ANKRD24: variants seen among roughly 807,000 people sequenced by gnomAD.
ANKRD24 encodes ankyrin repeat domain-containing protein 24.
A neutral mutation model predicts 127.8 loss-of-function variants in ANKRD24; 109 were observed. The observed-to-expected ratio is 0.85, with a 90% CI of 0.73 to 1.00. ANKRD24 has a LOEUF of 1.00. Ranked by LOEUF, ANKRD24 falls within the 50% of genes least tolerant of loss-of-function variation. The probability of loss-of-function intolerance (pLI) is 0.00; values close to 1 mark genes in which losing one functional copy is unlikely to be tolerated. For synonymous variants in ANKRD24, 743 were observed against 671.1 expected, an observed-to-expected ratio of 1.11 and a Z score of -1.66; for missense variants, 1,648 against 1,570.2, an observed-to-expected ratio of 1.05 and a Z score of -0.84.
At chr19:4,184,505 C>T (rs888924157) in intron 1 of ANKRD24, among the ~76,000 whole-genome samples, 1 of 152,244 alleles carries the variant, frequency 6.6e-6, no homozygotes, top group Admixed American at 6.5e-5. Context: ...TGCCTAGCTT[C>T]CTCCAAGGCA....
At chr19:4,212,723 T>TGGGCTG (rs1162391932) in intron 15 of ANKRD24, 25 bp downstream of exon 15, 2 of 1,536,876 alleles carry the variant, frequency 1.3e-6, no homozygotes, top group Admixed American at 2.0e-5. Flanking sequence ...GAGTCAGGGC[T>TGGGCTG]GGGCTGGGGC....
Position 4,215,970 on chromosome 19 carries a change from C to A in ANKRD24, c.1198-8C>A, listed in dbSNP as rs370872570. 44 of 1,578,450 alleles carry A rather than the reference C, an allele frequency of 2.8e-5. No homozygotes were observed. The highest frequency in any genetic ancestry group is 3.5e-5 in the South Asian group (3 of 85,856). On this transcript the variant is annotated splice_polypyrimidine_tract_variant and splice_region_variant and intron_variant, in intron 15 of 21. Coordinates refer to ENST00000318934, the MANE Select transcript of ANKRD24 (RefSeq NM_001393985.1). ...AACCCCGAGCTGGACTCTGCTCCCT[C>A]CCCCCAGAACGAGCGGGAGAATACT...
intron 1 of ANKRD24, among the ~76,000 whole-genome samples, chr19:4,184,558 C>T (rs1967948738): frequency 6.6e-6 from 1 of 152,228 alleles, no homozygotes; most frequent in African/African-American, 2.4e-5. Context: ...TTCTTATTTA[C>T]CATCACCTCT....
chr19:4,212,558 C>G (rs1299253997), intron 14 of ANKRD24, 42 bp from the exon 15 acceptor site: 1 of 1,548,184 alleles, frequency 6.5e-7, no homozygotes, highest in East Asian at 2.4e-5. Context: ...GCTGCCCAGC[C>G]TTTCCTCCCA....
chr19:4,224,110 C>G lies in ANKRD24; in HGVS notation c.3298-17C>G, dbSNP rs768363671. 13 of 1,610,910 alleles carry G rather than the reference C, an allele frequency of 8.1e-6. No homozygotes were observed. The highest frequency in any genetic ancestry group is 8.5e-6 in the Non-Finnish European group (10 of 1,179,104). ...GGTGCTCCTGCTCTTCTGAGCGCCC[C>G]TTCCTCATGCCCACAGGAAGCTGCC... On this transcript the variant is annotated splice_polypyrimidine_tract_variant and intron_variant, in intron 20 of 21. Coordinates refer to ENST00000318934, the MANE Select transcript of ANKRD24 (RefSeq NM_001393985.1).
chr19:4,182,841 A>G, intron 1 of ANKRD24, 101 bp downstream of exon 1: 1 of 709,274 alleles, frequency 1.4e-6, no homozygotes, highest in Non-Finnish European at 1.7e-6. Flanking sequence ...AATGCGGGAC[A>G]CAGGCTATCC....
intron 7 of ANKRD24, among the ~76,000 whole-genome samples, chr19:4,205,139 G>A (rs545551005): frequency 9.8e-5 from 15 of 152,318 alleles, no homozygotes; most frequent in Admixed American, 9.8e-4. Flanking sequence ...TCGGGAGGCT[G>A]AGGCAGGAGA....
rs1969124145 is a variant in ANKRD24, at chr19:4,202,055, T to TA, written c.374dup (p.Tyr125Ter). 1 of 1,613,732 alleles carries TA rather than the reference T, an allele frequency of 6.2e-7. No individual in the cohort carries two copies. The highest frequency in any genetic ancestry group is 1.7e-5 in the Admixed American group (1 of 59,958). ...GYNALHLAAK[Y>*]GHPQCLKQLL... is the part of the protein sequence containing the mutation. The stretch of plus-strand genomic sequence containing the variant: ...CAATGCCCTCCACCTGGCCGCCAAA[T>TA]ACGGGCACCCACAGTGCTTGAAGCA... Residue 125 changes from tyrosine (Y) to a stop codon, truncating the protein, a stop_gained and frameshift_variant, in exon 6 of 22, where the codon TAC becomes TAAC. Transcript: ENST00000318934. LOFTEE classifies it high-confidence loss of function.
chr19:4,199,569 G>C lies in ANKRD24; in HGVS notation c.37-114G>C. ...GGGCTGCTCAGGGGATGATGCTGGTGGTGGGCTTTTGTTGGACAACTGGGG... is the reference window on the plus strand; with the variant it reads ...GGGCTGCTCAGGGGATGATGCTGGTCGTGGGCTTTTGTTGGACAACTGGGG... On this transcript the variant is annotated intron_variant, in intron 2 of 21. Coordinates refer to ENST00000318934, the MANE Select transcript of ANKRD24 (RefSeq NM_001393985.1). The surrounding 1 kb of genome is among the most constrained non-coding windows in gnomAD (Gnocchi z 5.2). 2 of 1,436,488 alleles carry C rather than the reference G, an allele frequency of 1.4e-6. No individual in the cohort carries two copies. Among genetic ancestry groups the C allele is most frequent in the Non-Finnish European group, 1.8e-6 (2 of 1,099,632 alleles). The allele number at this position is 1,436,488 out of a possible 1,614,324, so 89.0% of individuals were successfully genotyped here.
At chr19:4,201,618 C>T (rs2145292046) in intron 5 of ANKRD24, among the ~76,000 whole-genome samples, 1 of 152,108 alleles carries the variant, frequency 6.6e-6, no homozygotes, top group African/African-American at 2.4e-5. Flanking sequence ...CACCATGGCT[C>T]ATGTCTGTTA....
chr19:4,217,131 G>A lies in ANKRD24; in HGVS notation c.1971G>A (p.Val657=). 3 of 1,613,646 alleles carry A rather than the reference G, an allele frequency of 1.9e-6. 1 individual carries two copies. Among genetic ancestry groups the A allele is most frequent in the South Asian group, 2.2e-5 (2 of 91,030 alleles). ...AAGCAGAAATGCAGGCCTACGGAGT[G>A]GGTGCTGGGCAAGCAGAGCCCCCAG... ...AEEAEMQAYG[V]GAGQAEPPVT... Residue 657 remains valine (V), a synonymous_variant, in exon 18 of 22, where the codon GTG becomes GTA. Coordinates refer to ENST00000318934, the MANE Select transcript of ANKRD24 (RefSeq NM_001393985.1).
At chr19:4,203,995 G>A (rs1402962840) in intron 7 of ANKRD24, among the ~76,000 whole-genome samples, 5 of 96,482 alleles carry the variant, frequency 5.2e-5, no homozygotes, top group Admixed American at 1.6e-4. Flanking sequence ...GTGGAGTCTC[G>A]CTCTGTCACC....
At position 4,198,142 on chromosome 19, in the gene ANKRD24, G is replaced by A; in HGVS notation, c.37-1541G>A. On this transcript the variant is annotated intron_variant, in intron 2 of 21. Transcript: ENST00000318934. The surrounding 1 kb of genome is among the most constrained non-coding windows in gnomAD (Gnocchi z 6.1). ...GGACGCCCGCGGGTCCCCTGGAGAT[G>A]CAGCCGGCGGCCTGCGCTGGTGAGG... is the stretch of plus-strand genomic sequence containing the variant. 1 of 523,696 alleles carries A rather than the reference G, an allele frequency of 1.9e-6. No homozygotes were observed. The allele number at this position is 523,696 out of a possible 1,614,324, so 32.4% of individuals were successfully genotyped here. A position where few individuals can be genotyped will look rare whatever the true frequency, so the allele number is the denominator to read the frequency against.
At position 4,198,363 on chromosome 19, in the gene ANKRD24, C is replaced by G. The variant is rs1264570807; in HGVS notation, c.37-1320C>G. 3.4e-4 allele frequency: 9 copies of G among 26,588 alleles called. No individual in the cohort carries two copies. Among genetic ancestry groups the G allele is most frequent in the Admixed American group, 3.1e-3 (4 of 1,302 alleles). The allele number at this position is 26,588 out of a possible 1,614,324, so 1.6% of individuals were successfully genotyped here. A position where few individuals can be genotyped will look rare whatever the true frequency, so the allele number is the denominator to read the frequency against. The stretch of plus-strand genomic sequence containing the variant: ...ACCAGGGAGGGCGGGACCGGGCGGG[C>G]GGGCGGGGCGGGGAGCTCCGGCAGC... On this transcript the variant is annotated intron_variant, in intron 2 of 21. Transcript: ENST00000318934. This position sits in a 1 kb window ranked among gnomAD's most constrained non-coding sequence, Gnocchi z 6.1.
At chr19:4,207,183 C>T (rs749995352) in intron 7 of ANKRD24, 59 bp from the exon 8 acceptor site, 1 of 1,530,000 alleles carries the variant, frequency 6.5e-7, no homozygotes, top group East Asian at 2.3e-5. Context: ...CTTGGCCTCC[C>T]AAGGTGCTGG....
At chr19:4,223,888 G>T (rs1313480790) in intron 20 of ANKRD24, among the ~76,000 whole-genome samples, 1 of 151,882 alleles carries the variant, frequency 6.6e-6, no homozygotes, top group East Asian at 1.9e-4. Flanking sequence ...TAGTAGAGAC[G>T]GGATTTTACC....
rs773158545 is a variant in ANKRD24, at chr19:4,217,184, C to T, written c.2024C>T (p.Thr675Met). ...ACAGGGACCACAAACATGGAGGCCA[C>T]GGGCTCTAGGGCCACAGGGATGGAA... ...PVTGTTNMEA[T>M]GSRATGMEST... is the part of the protein sequence containing the mutation. The change falls in exon 18 of 22, where the codon ACG becomes ATG. Residue 675 changes from threonine to methionine, a missense_variant. Physicochemically the swap from Thr to Met is moderately conservative, Grantham distance 81. Coordinates refer to ENST00000318934, the MANE Select transcript of ANKRD24 (RefSeq NM_001393985.1). 4.3e-6 allele frequency: 7 copies of T among 1,610,362 alleles called. No homozygotes were observed. Among genetic ancestry groups the T allele is most frequent in the South Asian group, 3.3e-5 (3 of 90,720 alleles).
At chr19:4,222,584 C>A in intron 19 of ANKRD24, 86 bp from the exon 20 acceptor site, 1 of 1,425,894 alleles carries the variant, frequency 7.0e-7, no homozygotes, top group South Asian at 1.6e-5. Flanking sequence ...AAGCCTTTAT[C>A]CCTGGCCTCT....
At chr19:4,193,014 T>G (rs888023872) in intron 2 of ANKRD24, among the ~76,000 whole-genome samples, 4 of 147,766 alleles carry the variant, frequency 2.7e-5, no homozygotes, top group Admixed American at 2.0e-4. Flanking sequence ...TAGGTGGTGA[T>G]AAGAGGCCTG....
Sources: allele counts gnomAD v4.1 joint callset (sites outside exome capture counted in the v4.1 genomes callset), GRCh38; gene constraint gnomAD v4.1.1; non-coding constraint Gnocchi (gnomAD v3.1); transcripts MANE v1.5; gene names NCBI Gene and HGNC (gene_info 2026-07-23, HGNC 2026-07-21).